Variants in SIK3 observed in about 807,000 individuals in gnomAD.
SIK3 encodes serine/threonine-protein kinase SIK3.
Under a neutral mutation model 144.2 loss-of-function variants are expected in SIK3, and 28 were observed. That is an observed-to-expected ratio of 0.19 (90% CI 0.14 to 0.27). The LOEUF (loss-of-function observed/expected upper bound fraction) is 0.27, where lower values mean the gene tolerates loss of function less well. Among genes scored for constraint, SIK3 ranks in the 10% least tolerant of loss-of-function variants. The probability of loss-of-function intolerance (pLI) is 1.00; values close to 1 mark genes in which losing one functional copy is unlikely to be tolerated. For missense variants in SIK3, 1,319 were observed against 1,776.0 expected (o/e 0.74, Z 4.62); for synonymous variants, 686 against 676.3 (o/e 1.01, Z -0.22).
chr11:117,053,413 A>G (rs1010130499), intron 1 of SIK3, among the ~76,000 whole-genome samples: 3 of 152,048 alleles, frequency 2.0e-5, no homozygotes, highest in Non-Finnish European at 4.4e-5. Flanking sequence ...AATAATAATA[A>G]TAGCTATATT....
At chr11:116,871,164 T>C (rs1338261459) in intron 13 of SIK3, among the ~76,000 whole-genome samples, 2 of 152,220 alleles carry the variant, frequency 1.3e-5, no homozygotes, top group Non-Finnish European at 2.9e-5. Context: ...CACTGTGACT[T>C]TCCCATCTGC....
intron 1 of SIK3, among the ~76,000 whole-genome samples, chr11:117,076,794 G>C (rs1294206556): frequency 6.6e-6 from 1 of 152,118 alleles, no homozygotes; most frequent in Non-Finnish European, 1.5e-5. Context: ...ACCCGCCTCG[G>C]CCTCCCAAAG....
chr11:116,871,347 C>T lies in SIK3; in HGVS notation c.1738-946G>A, dbSNP rs529983808. Among the ~76,000 whole-genome samples the T allele has an allele frequency of 3.9e-5, 6 of 152,356 alleles. No homozygotes were observed. In the South Asian group the frequency reaches 8.3e-4, roughly 21 times the overall value. Reference sequence around the variant, plus strand: ...ATTTTGTCGGAAAGCTCCCAGGGTTCCTGGATCCCTTCCCACAGTTCTACA... The same window carrying T: ...ATTTTGTCGGAAAGCTCCCAGGGTTTCTGGATCCCTTCCCACAGTTCTACA... On this transcript the variant is annotated intron_variant, in intron 13 of 24. Coordinates refer to ENST00000445177, the MANE Select transcript of SIK3 (RefSeq NM_001366686.3).
chr11:116,993,669 G>A (rs1480982950), intron 1 of SIK3, among the ~76,000 whole-genome samples: 1 of 152,196 alleles, frequency 6.6e-6, no homozygotes, highest in Non-Finnish European at 1.5e-5. Context: ...TGGAGAGGAA[G>A]AGGGGCTGAA....
rs1941721729 is a variant in SIK3, at chr11:116,843,921, A to G, written c.*1722T>C. On this transcript the variant is annotated 3_prime_UTR_variant, in exon 25 of 25. Coordinates refer to ENST00000445177, the MANE Select transcript of SIK3 (RefSeq NM_001366686.3). Reference sequence around the variant, plus strand: ...TCTTGGGTCCAGGAGCCGAGCTGCCAGTATCAGTGGAGAAGGACAAGGTGC... The same window carrying G: ...TCTTGGGTCCAGGAGCCGAGCTGCCGGTATCAGTGGAGAAGGACAAGGTGC... The G allele has an allele frequency of 6.6e-6, 1 of 152,176 alleles. No individual in the cohort carries two copies. Among genetic ancestry groups the G allele is most frequent in the Non-Finnish European group, 1.5e-5 (1 of 68,058 alleles). The allele number at this position is 152,176 out of a possible 1,614,324, so 9.4% of individuals were successfully genotyped here.
At chr11:116,962,196 C>G (rs910460772) in intron 1 of SIK3, among the ~76,000 whole-genome samples, 2 of 152,094 alleles carry the variant, frequency 1.3e-5, no homozygotes, top group Non-Finnish European at 2.9e-5. Flanking sequence ...AACAAACCAC[C>G]CTTCCCCATC....
intron 6 of SIK3, among the ~76,000 whole-genome samples, chr11:116,880,773 A>G (rs1944503452): frequency 6.6e-6 from 1 of 152,162 alleles, no homozygotes; most frequent in African/African-American, 2.4e-5. Flanking sequence ...GAGCCCTCAC[A>G]TTAAACAAAA....
intron 1 of SIK3, among the ~76,000 whole-genome samples, chr11:117,032,440 T>G (rs1025691354): frequency 1.3e-5 from 2 of 152,214 alleles, no homozygotes; most frequent in African/African-American, 2.4e-5. Flanking sequence ...TGGTATTGCA[T>G]GTATTTCCAT....
intron 4 of SIK3, among the ~76,000 whole-genome samples, chr11:116,899,384 A>G (rs963749328): frequency 6.6e-6 from 1 of 152,128 alleles, no homozygotes; most frequent in Non-Finnish European, 1.5e-5. Context: ...GCCTTGTAGT[A>G]TAGTTCGAAG....
chr11:117,035,027 C>T (rs1336926332), intron 1 of SIK3, among the ~76,000 whole-genome samples: 2 of 152,126 alleles, frequency 1.3e-5, no homozygotes, highest in Non-Finnish European at 2.9e-5. Context: ...TTGAACTGAA[C>T]TTTTTTATCT....
At chr11:116,942,820 G>A (rs572022531) in intron 3 of SIK3, among the ~76,000 whole-genome samples, 1 of 152,294 alleles carries the variant, frequency 6.6e-6, no homozygotes, top group East Asian at 1.9e-4. Context: ...AATCTTATAG[G>A]CTATAGTAGG....
At chr11:117,023,612 A>AC (rs1416005850) in intron 1 of SIK3, among the ~76,000 whole-genome samples, 1,893 of 42,500 alleles carry the variant, frequency 0.045, 40 homozygotes, top group African/African-American at 0.093. Flanking sequence ...AAACAAACAA[A>AC]AAAAAAAAAA....
chr11:116,972,534 T>G (rs1949799957), intron 1 of SIK3, among the ~76,000 whole-genome samples: 1 of 152,172 alleles, frequency 6.6e-6, no homozygotes, highest in Non-Finnish European at 1.5e-5. Flanking sequence ...CCCAATATTT[T>G]TAAAAGTAAA....
Position 116,955,168 on chromosome 11 carries a change from TG to T in SIK3, c.391-1062del, listed in dbSNP as rs550241500. Among the ~76,000 whole-genome samples, 482 of 152,190 alleles carry T rather than the reference TG, an allele frequency of 3.2e-3. 1 individual carries two copies. The highest frequency in any genetic ancestry group is 0.01 in the Middle Eastern group (3 of 294). The stretch of plus-strand genomic sequence containing the variant: ...ATCCCAGCACTTTGGGAGGCCGAGG[TG>T]GGTGGATCACTTGAGATTAGGAGTT... On this transcript the variant is annotated intron_variant, in intron 2 of 24. Coordinates refer to ENST00000445177, the MANE Select transcript of SIK3 (RefSeq NM_001366686.3).
At chr11:116,965,734 A>ATAT (rs1949505471) in intron 1 of SIK3, among the ~76,000 whole-genome samples, 2 of 118,378 alleles carry the variant, frequency 1.7e-5, no homozygotes, top group African/African-American at 7.4e-5. Context: ...TCTCTGCTAA[A>ATAT]ATATATATAT....
In SIK3 at chr11:117,016,288, T is replaced by C. The variant is rs574058150; in HGVS notation, c.274-59224A>G. Among the ~76,000 whole-genome samples, 293 of 143,500 alleles carry C rather than the reference T, an allele frequency of 2.0e-3. 3 individuals are homozygous for C. The highest frequency in any genetic ancestry group is 7.1e-3 in the African/African-American group (274 of 38,418). The allele number at this position is 143,500 out of a possible 152,430, so 94.1% of individuals were successfully genotyped here. On this transcript the variant is annotated intron_variant, in intron 1 of 24. Transcript: ENST00000445177. ...TTGCAGTGAGCCGCGATCACGCCAC[T>C]GCACTCTAGCCTGGGCGACAGAGAG...
chr11:116,875,661 C>G (rs1944212188), intron 9 of SIK3: 1 of 827,344 alleles, frequency 1.2e-6, no homozygotes, highest in Non-Finnish European at 1.9e-6. Flanking sequence ...AAACAAAAGG[C>G]ACAACTATTG....
chr11:117,051,076 TGA>T (rs1372849613), intron 1 of SIK3, among the ~76,000 whole-genome samples: 2 of 152,172 alleles, frequency 1.3e-5, no homozygotes, highest in Non-Finnish European at 2.9e-5. Context: ...CACTCACCAA[TGA>T]GGGTGGGCGT....
At chr11:117,088,525 C>G (rs1955111543) in intron 1 of SIK3, among the ~76,000 whole-genome samples, 1 of 152,160 alleles carries the variant, frequency 6.6e-6, no homozygotes, top group Admixed American at 6.5e-5. Context: ...TCCTTATATT[C>G]ATGTACTCAA....
Sources: gnomAD v4.1 joint callset for allele counts (sites outside exome capture counted in the v4.1 genomes callset) on GRCh38, gnomAD v4.1.1 for gene constraint, MANE v1.5 for transcripts, NCBI Gene and HGNC (gene_info 2026-07-23, HGNC 2026-07-21) for gene names.